The following IQSEC1 variants were observed in gnomAD, a reference collection of about 807,000 sequenced individuals.
IQSEC1 encodes IQ motif and SEC7 domain-containing protein 1.
IQSEC1 carries 31 observed loss-of-function variants against 91.0 expected under a neutral mutation model. That is an observed-to-expected ratio of 0.34 (90% CI 0.26 to 0.46). The LOEUF (loss-of-function observed/expected upper bound fraction) is 0.46, where lower values mean the gene tolerates loss of function less well. IQSEC1 is among the 20% of genes least tolerant of loss of function. IQSEC1 has a pLI of 1.00. For synonymous variants in IQSEC1, 699 were observed against 662.6 expected (o/e 1.05, Z -0.84); for missense variants, 1,388 against 1,575.6 (o/e 0.88, Z 2.02).
At chr3:13,176,744 C>T (rs1435441703) in intron 1 of IQSEC1, among the ~76,000 whole-genome samples, 2 of 152,300 alleles carry the variant, frequency 1.3e-5, no homozygotes, top group African/African-American at 2.4e-5. Context: ...CGGGAACAGG[C>T]GAGGTCCGTG....
intron 1 of IQSEC1, among the ~76,000 whole-genome samples, chr3:13,018,359 G>A (rs1185621957): frequency 6.6e-6 from 1 of 152,214 alleles, no homozygotes; most frequent in Non-Finnish European, 1.5e-5. Context: ...AGGGGGGCAG[G>A]GCCAGGGCAG....
intron 1 of IQSEC1, among the ~76,000 whole-genome samples, chr3:13,220,067 C>T (rs1694628653): frequency 6.6e-6 from 1 of 152,264 alleles, no homozygotes; most frequent in South Asian, 2.1e-4. Flanking sequence ...ACCCCCGTCA[C>T]AGGCTCCTGC....
chr3:13,238,401 A>T (rs1694968694), intron 1 of IQSEC1, among the ~76,000 whole-genome samples: 1 of 152,108 alleles, frequency 6.6e-6, no homozygotes, highest in Non-Finnish European at 1.5e-5. Flanking sequence ...TCTGCCAGGA[A>T]TGCTCTCCCC....
At chr3:13,281,951 C>T (rs1292544796) in intron 1 of IQSEC1, among the ~76,000 whole-genome samples, 1 of 152,204 alleles carries the variant, frequency 6.6e-6, no homozygotes, top group African/African-American at 2.4e-5. Flanking sequence ...CCCGAAGGTC[C>T]ACACGGTGAG....
intron 1 of IQSEC1, among the ~76,000 whole-genome samples, chr3:13,169,583 T>C (rs1168278254): frequency 6.6e-6 from 1 of 152,208 alleles, no homozygotes; most frequent in Non-Finnish European, 1.5e-5. Flanking sequence ...TAGAGACTTA[T>C]TGAATGGCTT....
intron 1 of IQSEC1, among the ~76,000 whole-genome samples, chr3:13,216,558 G>A (rs1160015840): frequency 6.6e-6 from 1 of 152,118 alleles, no homozygotes; most frequent in African/African-American, 2.4e-5. Flanking sequence ...ATTGCAGAGG[G>A]GAGCTGTGGC....
intron 1 of IQSEC1, among the ~76,000 whole-genome samples, chr3:13,043,070 G>A (rs896371166): frequency 3.3e-5 from 5 of 152,174 alleles, no homozygotes; most frequent in Non-Finnish European, 7.4e-5. Flanking sequence ...TTGCCTGGGC[G>A]ACGGGGACAC....
Position 12,899,617 on chromosome 3 carries a change from T to TG in IQSEC1, c.*1365dup. On this transcript the variant is annotated 3_prime_UTR_variant, in exon 14 of 14. Transcript: ENST00000613206. ...GGGGCTCCGCCGGGCACTCGTCGGC[T>TG]GGGGTCACACGGGCCACGGTGAGGA... is the stretch of plus-strand genomic sequence containing the variant. The TG allele has an allele frequency of 1.0e-6, 1 of 985,364 alleles. No homozygotes were observed. Among genetic ancestry groups the TG allele is most frequent in the African/African-American group, 1.7e-5 (1 of 57,340 alleles). The allele number at this position is 985,364 out of a possible 1,614,324, so 61.0% of individuals were successfully genotyped here. A position where few individuals can be genotyped will look rare whatever the true frequency, so the allele number is the denominator to read the frequency against.
At chr3:12,974,966 G>C (rs1701092306) in intron 1 of IQSEC1, among the ~76,000 whole-genome samples, 1 of 152,256 alleles carries the variant, frequency 6.6e-6, no homozygotes, top group African/African-American at 2.4e-5. Context: ...AGGCAGGCCT[G>C]TGGGCAGCAG....
intron 1 of IQSEC1, among the ~76,000 whole-genome samples, chr3:12,949,957 T>G (rs927600573): frequency 1.3e-5 from 2 of 152,248 alleles, no homozygotes; most frequent in South Asian, 2.1e-4. Flanking sequence ...AGGGGCTGCT[T>G]TAAGGGCTAG....
chr3:12,911,130 G>A (rs777594682), intron 10 of IQSEC1, among the ~76,000 whole-genome samples: 15 of 152,186 alleles, frequency 9.9e-5, no homozygotes, highest in Non-Finnish European at 2.2e-4. Flanking sequence ...GGGGCCCTGT[G>A]GCAGGCACTA....
chr3:13,262,007 C>T (rs1695397944), intron 1 of IQSEC1, among the ~76,000 whole-genome samples: 1 of 152,224 alleles, frequency 6.6e-6, no homozygotes, highest in Non-Finnish European at 1.5e-5. Context: ...GAGCGTGAAG[C>T]CATTTTTGCA....
At chr3:13,121,660 G>A (rs914037257) in intron 2 of IQSEC1, among the ~76,000 whole-genome samples, 3 of 152,236 alleles carry the variant, frequency 2.0e-5, no homozygotes, top group Non-Finnish European at 4.4e-5. Flanking sequence ...CAAGGCCAGC[G>A]CTGGGGGGAC....
chr3:13,141,114 G>A (rs1706793728), intron 2 of IQSEC1, among the ~76,000 whole-genome samples: 1 of 152,226 alleles, frequency 6.6e-6, no homozygotes, highest in South Asian at 2.1e-4. Flanking sequence ...CGCTGACTAT[G>A]TTTTCCATGC....
intron 1 of IQSEC1, among the ~76,000 whole-genome samples, chr3:13,041,543 T>C (rs1704269558): frequency 6.6e-6 from 1 of 152,174 alleles, no homozygotes; most frequent in Non-Finnish European, 1.5e-5. Flanking sequence ...CTCCAGGTCT[T>C]TAATAACACG....
intron 2 of IQSEC1, among the ~76,000 whole-genome samples, chr3:13,132,178 T>A (rs953147771): frequency 2.0e-5 from 3 of 152,240 alleles, no homozygotes; most frequent in Non-Finnish European, 2.9e-5. Context: ...AACTATCTGA[T>A]CCTTAGCGGC....
chr3:13,076,903 ATC>A (rs1705571420), upstream of IQSEC1, among the ~76,000 whole-genome samples: 1 of 152,178 alleles, frequency 6.6e-6, no homozygotes, highest in South Asian at 2.1e-4. Flanking sequence ...GACCGCTGTC[ATC>A]TGTTTGGAGT....
rs117171953 is a variant in IQSEC1 at position 13,096,263 on chromosome 3, C to T, written c.303-48741G>A. Among the ~76,000 whole-genome samples, 24 of 152,358 alleles carry T rather than the reference C, an allele frequency of 1.6e-4. No homozygotes were observed. In the East Asian group the frequency reaches 2.9e-3, roughly 18 times the overall value. ...AGGCACAGGTAAGACCTCCAGGCTA[C>T]GCCCTAGCTCTTGGGGAGCTCACAG... is the stretch of plus-strand genomic sequence containing the variant. On this transcript the variant is annotated intron_variant, in intron 2 of 15. Transcript: ENST00000648114.
At chr3:13,042,694 G>A (rs1178632985) in intron 1 of IQSEC1, among the ~76,000 whole-genome samples, 1 of 152,114 alleles carries the variant, frequency 6.6e-6, no homozygotes, top group Admixed American at 6.5e-5. Flanking sequence ...AGTTGTGGGG[G>A]CCCCCAGTCC....
Sources: gnomAD v4.1 joint callset for allele counts (sites outside exome capture counted in the v4.1 genomes callset) on GRCh38, gnomAD v4.1.1 for gene constraint, MANE v1.5 for transcripts, NCBI Gene and HGNC (gene_info 2026-07-23, HGNC 2026-07-21) for gene names.